SETD5: variants seen among roughly 807,000 people sequenced by gnomAD.
SETD5 encodes the protein histone-lysine N-methyltransferase SETD5.
Under a neutral mutation model 153.3 loss-of-function variants are expected in SETD5, and 44 were observed. The ratio of observed to expected loss-of-function variants is 0.29; its 90% CI spans 0.23 to 0.37. The LOEUF is 0.37. Among genes scored for constraint, SETD5 ranks in the 10% least tolerant of loss-of-function variants. SETD5 has a pLI of 1.00. For missense variants in SETD5, 1,544 were observed against 1,768.0 expected (o/e 0.87, Z 2.27); for synonymous variants, 716 against 645.2 (o/e 1.11, Z -1.66).
At position 9,428,821 on chromosome 3, in the gene SETD5, A is replaced by G. The variant is rs1272474629; in HGVS notation, c.-116-2A>G. 2 of 514,926 alleles carry G rather than the reference A, an allele frequency of 3.9e-6. No homozygotes were observed. Among genetic ancestry groups the G allele is most frequent in the Non-Finnish European group, 7.0e-6 (2 of 287,468 alleles). The allele number at this position is 514,926 out of a possible 1,614,324, so 31.9% of individuals were successfully genotyped here. Reference sequence around the variant, plus strand: ...ACTAGATATTTTCCTTTTCTGTTACAGGATTCCTCATGTCCATAACATGTT... The same window carrying G: ...ACTAGATATTTTCCTTTTCTGTTACGGGATTCCTCATGTCCATAACATGTT... On this transcript the variant is annotated splice_acceptor_variant, in intron 2 of 22. Transcript: ENST00000402198. LOFTEE classifies it low-confidence loss of function (5UTR_SPLICE).
At chr3:9,433,581 T>C in intron 3 of SETD5, 1 of 1,290,336 alleles carries the variant, frequency 7.7e-7, no homozygotes, top group Non-Finnish European at 1.0e-6. Context: ...GTGTTTGTCA[T>C]TAGGGACACC....
At chr3:9,398,720 C>T (rs572591082) in intron 1 of SETD5, 6 of 152,334 alleles carry the variant, frequency 3.9e-5, no homozygotes, top group South Asian at 4.1e-4. Context: ...ATTCTCTTTC[C>T]CTCTGCGTGT....
At chr3:9,465,687 C>T (rs940846593) in intron 18 of SETD5, among the ~76,000 whole-genome samples, 1 of 152,202 alleles carries the variant, frequency 6.6e-6, no homozygotes, top group African/African-American at 2.4e-5. Context: ...TTCTTTCTTA[C>T]CCTAGACCTC....
chr3:9,436,156 C>T (rs2040540643), intron 7 of SETD5, among the ~76,000 whole-genome samples: 1 of 152,080 alleles, frequency 6.6e-6, no homozygotes, highest in African/African-American at 2.4e-5. Context: ...AAATTCCAGC[C>T]CTACCTGGCA....
At chr3:9,399,827 CAAA>C (rs33940536) in intron 1 of SETD5, among the ~76,000 whole-genome samples, 59 of 128,630 alleles carry the variant, frequency 4.6e-4, no homozygotes, top group African/African-American at 9.3e-4. Context: ...AGCACTGGTC[CAAA>C]AAAAAAAAAA....
At chr3:9,432,709 C>G (rs1294635305) in intron 3 of SETD5, among the ~76,000 whole-genome samples, 1 of 152,070 alleles carries the variant, frequency 6.6e-6, no homozygotes, top group African/African-American at 2.4e-5. Context: ...GATTTTTATC[C>G]TTTGCCATCA....
intron 6 of SETD5, among the ~76,000 whole-genome samples, chr3:9,435,439 T>TA (rs1244891207): frequency 6.6e-6 from 1 of 152,178 alleles, no homozygotes; most frequent in Non-Finnish European, 1.5e-5. Context: ...ATTCCTGTTT[T>TA]AAAAATTAGC....
At chr3:9,464,931 A>G (rs1436175955) in intron 18 of SETD5, 4 of 515,832 alleles carry the variant, frequency 7.8e-6, no homozygotes, top group Admixed American at 3.2e-5. Flanking sequence ...ATCAATCTCC[A>G]TAAGTTTAGG....
At chr3:9,452,493 T>C (rs2042734166) in intron 16 of SETD5, among the ~76,000 whole-genome samples, 1 of 152,166 alleles carries the variant, frequency 6.6e-6, no homozygotes, top group Non-Finnish European at 1.5e-5. Flanking sequence ...TTTTTGTGTT[T>C]GCTTTTCAGA....
At chr3:9,409,685 A>G (rs1260255051) in intron 1 of SETD5, among the ~76,000 whole-genome samples, 1 of 152,172 alleles carries the variant, frequency 6.6e-6, no homozygotes, top group African/African-American at 2.4e-5. Flanking sequence ...GGATGGTAGG[A>G]GTGTTCATTG....
intron 17 of SETD5, 53 bp downstream of exon 17, chr3:9,453,921 C>T: frequency 6.9e-7 from 1 of 1,439,666 alleles, no homozygotes; most frequent in South Asian, 1.6e-5. Flanking sequence ...TTCAGGTCTG[C>T]ATAAAAAATT....
At chr3:9,448,709 T>A (rs2042291130) in intron 16 of SETD5, 79 bp downstream of exon 16, 1 of 1,362,480 alleles carries the variant, frequency 7.3e-7, no homozygotes, top group African/African-American at 1.5e-5. Context: ...CCTATCATCA[T>A]GACATAAATA....
chr3:9,459,983 C>A (rs1451006699), intron 17 of SETD5, among the ~76,000 whole-genome samples: 1 of 151,646 alleles, frequency 6.6e-6, no homozygotes, highest in Non-Finnish European at 1.5e-5. Context: ...TCAAATTATC[C>A]CACTATTACC....
At chr3:9,468,461 G>A in intron 18 of SETD5, 3 of 1,287,520 alleles carry the variant, frequency 2.3e-6, no homozygotes, top group Non-Finnish European at 3.1e-6. Context: ...TTTTTGTTTT[G>A]TTTTGCTTCT....
intron 1 of SETD5, among the ~76,000 whole-genome samples, chr3:9,403,576 C>G (rs1177539529): frequency 6.6e-6 from 1 of 152,204 alleles, no homozygotes; most frequent in Non-Finnish European, 1.5e-5. Context: ...AAAATGCTAA[C>G]TGAAGAAAGG....
At chr3:9,446,131 C>G (rs2041960003) in intron 13 of SETD5, among the ~76,000 whole-genome samples, 1 of 150,690 alleles carries the variant, frequency 6.6e-6, no homozygotes, top group Non-Finnish European at 1.5e-5. Context: ...ACTAAAAATA[C>G]AAAAAATTAG....
At chr3:9,425,040 T>C (rs1229828899) in intron 2 of SETD5, among the ~76,000 whole-genome samples, 1 of 149,800 alleles carries the variant, frequency 6.7e-6, no homozygotes, top group African/African-American at 2.5e-5. Context: ...AAATTTATAG[T>C]TACCGACAAT....
intron 17 of SETD5, among the ~76,000 whole-genome samples, chr3:9,458,283 A>G (rs934610525): frequency 1.3e-5 from 2 of 152,148 alleles, no homozygotes; most frequent in Non-Finnish European, 2.9e-5. Flanking sequence ...TCCTTTGCCA[A>G]AGAAAATTCT....
chr3:9,413,717 C>T (rs1222519720), intron 1 of SETD5, among the ~76,000 whole-genome samples: 1 of 150,592 alleles, frequency 6.6e-6, no homozygotes, highest in Non-Finnish European at 1.5e-5. Context: ...GTTAATTGGC[C>T]TCTTCCAGCA....
Sources: gnomAD v4.1 joint callset for allele counts (sites outside exome capture counted in the v4.1 genomes callset) on GRCh38, gnomAD v4.1.1 for gene constraint, MANE v1.5 for transcripts, NCBI Gene and HGNC (gene_info 2026-07-23, HGNC 2026-07-21) for gene names.